The following OXCT1 variants were observed in gnomAD, a reference collection of about 807,000 sequenced individuals.
OXCT1 encodes the protein 3-oxoacid CoA-transferase 1.
A neutral mutation model predicts 69.6 loss-of-function variants in OXCT1; 27 were observed. That is an observed-to-expected ratio of 0.39 (90% CI 0.29 to 0.54). The LOEUF (loss-of-function observed/expected upper bound fraction) is 0.54, where lower values mean the gene tolerates loss of function less well. Ranked by LOEUF, OXCT1 falls within the 20% of genes least tolerant of loss-of-function variation. The pLI is 0.72. For missense variants in OXCT1, 437 were observed against 650.2 expected (o/e 0.67, Z 3.57); for synonymous variants, 202 against 217.8 (o/e 0.93, Z 0.64).
At chr5:41,825,768 A>G (rs1369505712) in intron 7 of OXCT1, among the ~76,000 whole-genome samples, 1 of 152,162 alleles carries the variant, frequency 6.6e-6, no homozygotes, top group Non-Finnish European at 1.5e-5. Flanking sequence ...TTAGGCCATG[A>G]GTGGAAGCAG....
chr5:41,761,865 T>G (rs904640628), intron 14 of OXCT1, among the ~76,000 whole-genome samples: 1 of 152,308 alleles, frequency 6.6e-6, no homozygotes, highest in East Asian at 1.9e-4. Context: ...AGCTTTTACT[T>G]TTAATAGGTA....
intron 7 of OXCT1, among the ~76,000 whole-genome samples, chr5:41,828,255 T>C (rs1033476612): frequency 6.6e-6 from 1 of 151,778 alleles, no homozygotes; most frequent in East Asian, 1.9e-4. Context: ...TTACAGGCGC[T>C]TGCCACCATG....
chr5:41,822,941 C>T (rs541156163), intron 7 of OXCT1, among the ~76,000 whole-genome samples: 11 of 152,170 alleles, frequency 7.2e-5, no homozygotes, highest in South Asian at 2.1e-4. Context: ...ATTATTTAGT[C>T]GGATTAATAT....
chr5:41,866,186 G>T (rs1749966272), intron 1 of OXCT1, among the ~76,000 whole-genome samples: 2 of 152,170 alleles, frequency 1.3e-5, no homozygotes, highest in South Asian at 4.1e-4. Context: ...TACCAGGGCA[G>T]TAAGACCAAC....
chr5:41,853,786 C>T (rs1749302128), intron 3 of OXCT1: 11 of 595,884 alleles, frequency 1.8e-5, no homozygotes, highest in Middle Eastern at 4.5e-4. Flanking sequence ...TTTGTGGGAG[C>T]GGGGCATGCA....
chr5:41,767,576 G>A (rs999863514), intron 13 of OXCT1, among the ~76,000 whole-genome samples: 5 of 151,038 alleles, frequency 3.3e-5, no homozygotes, highest in African/African-American at 1.2e-4. Context: ...CTAATTCCCT[G>A]GAGAGAGAAA....
intron 7 of OXCT1, among the ~76,000 whole-genome samples, chr5:41,828,534 T>C (rs1747932089): frequency 2.0e-5 from 3 of 152,154 alleles, no homozygotes; most frequent in Admixed American, 6.5e-5. Context: ...AATTATATCA[T>C]ATTAATGTCA....
At chr5:41,859,907 T>TATATATATATACACAC (rs1304074270) in intron 3 of OXCT1, among the ~76,000 whole-genome samples, 2 of 138,480 alleles carry the variant, frequency 1.4e-5, no homozygotes, top group African/African-American at 5.3e-5. Context: ...TATATATATA[T>TATATATATATACACAC]ACACACACAC....
chr5:41,823,328 C>A (rs1039669658), intron 7 of OXCT1, among the ~76,000 whole-genome samples: 33 of 152,282 alleles, frequency 2.2e-4, no homozygotes, highest in African/African-American at 7.9e-4. Flanking sequence ...TTGGTCTTCA[C>A]CAAAACTCTG....
chr5:41,855,767 G>A (rs1749399662), intron 3 of OXCT1, among the ~76,000 whole-genome samples: 1 of 152,212 alleles, frequency 6.6e-6, no homozygotes, highest in South Asian at 2.1e-4. Context: ...AACAGAGGGA[G>A]AGACATGCTA....
chr5:41,869,335 A>C (rs1750164149), intron 1 of OXCT1, among the ~76,000 whole-genome samples: 1 of 152,200 alleles, frequency 6.6e-6, no homozygotes, highest in Non-Finnish European at 1.5e-5. Context: ...CTGAATACCA[A>C]GGAAGAGGCT....
Position 41,807,416 on chromosome 5 carries a change from C to A in OXCT1, c.755G>T (p.Gly252Val). The change falls in exon 8 of 17, where the codon GGA (glycine) becomes GTA (valine). Residue 252 changes from glycine (G) to valine (V), a missense_variant. By Grantham distance (109) the Gly-to-Val change is moderately radical. Transcript: ENST00000196371. ...VVEVEEIVDI[G>V]AFAPEDIHIP... ...ATGGATGTCTTCTGGAGCAAATGCTCCAATATCCACAATTTCTTCAACCTA... is the reference window on the plus strand; with the variant it reads ...ATGGATGTCTTCTGGAGCAAATGCTACAATATCCACAATTTCTTCAACCTA... The A allele has an allele frequency of 6.3e-7, 1 of 1,599,986 alleles. No individual in the cohort carries two copies. Among genetic ancestry groups the A allele is most frequent in the South Asian group, 1.1e-5 (1 of 90,790 alleles).
intron 7 of OXCT1, among the ~76,000 whole-genome samples, chr5:41,833,642 T>C (rs1431516104): frequency 2.6e-5 from 4 of 152,158 alleles, no homozygotes; most frequent in Non-Finnish European, 2.9e-5. Context: ...GCAACTGTGG[T>C]GTGTAAACAC....
At chr5:41,836,662 T>G (rs1748378729) in intron 7 of OXCT1, among the ~76,000 whole-genome samples, 1 of 152,156 alleles carries the variant, frequency 6.6e-6, no homozygotes, top group Non-Finnish European at 1.5e-5. Flanking sequence ...GCGAGCAACC[T>G]AGATCCCTCA....
chr5:41,745,453 A>C (rs139462917), intron 15 of OXCT1, among the ~76,000 whole-genome samples: 27,700 of 152,114 alleles, frequency 0.18, 2,729 homozygotes, highest in Middle Eastern at 0.29. Flanking sequence ...AAAGCAGGAA[A>C]GATCTAAAAT....
At chr5:41,796,111 G>C (rs1398280696) in intron 11 of OXCT1, among the ~76,000 whole-genome samples, 1 of 152,040 alleles carries the variant, frequency 6.6e-6, no homozygotes, top group Non-Finnish European at 1.5e-5. Flanking sequence ...ACTTCCAAGA[G>C]GTCCCCTTGG....
intron 15 of OXCT1, among the ~76,000 whole-genome samples, chr5:41,743,436 T>G (rs1561355841): frequency 6.6e-6 from 1 of 152,218 alleles, no homozygotes; most frequent in African/African-American, 2.4e-5. Flanking sequence ...GGTTGCCTGT[T>G]CACTCTGATG....
intron 13 of OXCT1, among the ~76,000 whole-genome samples, chr5:41,783,296 C>T (rs1367766159): frequency 6.6e-6 from 1 of 152,162 alleles, no homozygotes; most frequent in African/African-American, 2.4e-5. Context: ...AGAAAGATTT[C>T]GCCAACTGGG....
At position 41,853,641 on chromosome 5, in the gene OXCT1, A is replaced by G. The variant is rs765259182; in HGVS notation, c.279-87T>C. ...TAAAGAGATAAAACTTTGTTAATTTAAAGAAAAATAAATCCTTTCTTATAG... is the reference window on the plus strand; with the variant it reads ...TAAAGAGATAAAACTTTGTTAATTTGAAGAAAAATAAATCCTTTCTTATAG... On this transcript the variant is annotated intron_variant, in intron 3 of 16. Coordinates refer to ENST00000196371, the MANE Select transcript of OXCT1 (RefSeq NM_000436.4). 1.1e-5 allele frequency: 16 copies of G among 1,403,360 alleles called. No homozygotes were observed. The Middle Eastern group carries it at 8.8e-4, about 78-fold the overall frequency. The allele number at this position is 1,403,360 out of a possible 1,614,324, so 86.9% of individuals were successfully genotyped here. A position where few individuals can be genotyped will look rare whatever the true frequency, so the allele number is the denominator to read the frequency against.
Sources: gnomAD v4.1 joint callset for allele counts (sites outside exome capture counted in the v4.1 genomes callset) on GRCh38, gnomAD v4.1.1 for gene constraint, MANE v1.5 for transcripts, NCBI Gene and HGNC (gene_info 2026-07-23, HGNC 2026-07-21) for gene names.